CCT5: variants seen among roughly 807,000 people sequenced by gnomAD.
CCT5 encodes the protein chaperonin containing TCP1 subunit 5, also known as T-complex protein 1 subunit epsilon.
A neutral mutation model predicts 55.0 loss-of-function variants in CCT5; 6 were observed. The observed-to-expected ratio is 0.11, with a 90% confidence interval of 0.06 to 0.22. CCT5 has a LOEUF of 0.22. Among genes scored for constraint, CCT5 ranks in the 10% least tolerant of loss-of-function variants. The pLI is 1.00. For synonymous variants in CCT5, 231 were observed against 243.7 expected (o/e 0.95, Z 0.49); for missense variants, 560 against 694.6 (o/e 0.81, Z 2.18).
At position 10,264,883 on chromosome 5, in the gene CCT5, G is replaced by T; in HGVS notation, c.*100G>T. ...TTATTTATTGTTACATCCTTTTCCAGACACTGTAGATGCTATAATAAAAAT... is the reference window on the plus strand; with the variant it reads ...TTATTTATTGTTACATCCTTTTCCATACACTGTAGATGCTATAATAAAAAT... On this transcript the variant is annotated 3_prime_UTR_variant, in exon 11 of 11. Coordinates refer to ENST00000280326, the MANE Select transcript of CCT5 (RefSeq NM_012073.5). 6.8e-7 allele frequency: 1 copy of T among 1,478,106 alleles called. No individual in the cohort carries two copies. Among genetic ancestry groups the T allele is most frequent in the Non-Finnish European group, 9.4e-7 (1 of 1,064,746 alleles). The allele number at this position is 1,478,106 out of a possible 1,614,324, so 91.6% of individuals were successfully genotyped here.
chr5:10,253,741 C>G (rs1579446750), intron 1 of CCT5, among the ~76,000 whole-genome samples: 2 of 152,280 alleles, frequency 1.3e-5, no homozygotes, highest in African/African-American at 4.8e-5. Flanking sequence ...GGAACCTGTT[C>G]CCCATGGATG....
intron 3 of CCT5, among the ~76,000 whole-genome samples, chr5:10,255,303 G>A (rs1745616554): frequency 6.6e-6 from 1 of 150,428 alleles, no homozygotes. Context: ...GTATGTACAT[G>A]TAGAGAAAAT....
intron 1 of CCT5, chr5:10,250,996 A>G (rs993596288): frequency 3.2e-5 from 14 of 442,904 alleles, no homozygotes; most frequent in Admixed American, 6.1e-5. Context: ...CCGTAATACA[A>G]GGTGGTGTGC....
intron 7 of CCT5, chr5:10,261,311 T>G: frequency 3.7e-6 from 2 of 538,042 alleles, no homozygotes; most frequent in Non-Finnish European, 3.4e-6. Flanking sequence ...GATGAGGGTA[T>G]GAGCTTAGGG....
In CCT5 at chr5:10,258,377, C is replaced by T. The variant is rs755231384; in HGVS notation, c.724-9C>T. ...CCACCAATTAAAATGTCTTTATGTT[C>T]CCCCATAGAAAGTGGAAGATGCGAA... On this transcript the variant is annotated splice_polypyrimidine_tract_variant and intron_variant, in intron 5 of 10. Coordinates refer to ENST00000280326, the MANE Select transcript of CCT5 (RefSeq NM_012073.5). 2.9e-5 allele frequency: 46 copies of T among 1,613,908 alleles called. No homozygotes were observed. Among genetic ancestry groups the T allele is most frequent in the Non-Finnish European group, 3.5e-5 (41 of 1,179,986 alleles).
rs535827783 is a variant in CCT5, at chr5:10,264,852, C to T, written c.*69C>T. On this transcript the variant is annotated 3_prime_UTR_variant, in exon 11 of 11. Transcript: ENST00000280326. The stretch of plus-strand genomic sequence containing the variant: ...AGTAAATGGATGTCTCGTGATGCAT[C>T]TACAGTTATTTATTGTTACATCCTT... 755 of 1,586,642 alleles carry T rather than the reference C, an allele frequency of 4.8e-4. 2 individuals carry two copies. The highest frequency in any genetic ancestry group is 6.2e-4 in the Non-Finnish European group (722 of 1,157,568).
At position 10,254,670 on chromosome 5, in the gene CCT5, T is replaced by C. The variant is rs1261586399; in HGVS notation, c.167-4T>C. 6.2e-7 allele frequency: 1 copy of C among 1,613,682 alleles called. No individual in the cohort carries two copies. Among genetic ancestry groups the C allele is most frequent in the Non-Finnish European group, 8.5e-7 (1 of 1,179,762 alleles). ...CGCAAAGCCTACTAAACGTTGTTTT[T>C]TAGGGCTTGATAAGATGATGGTGGA... On this transcript the variant is annotated splice_region_variant and splice_polypyrimidine_tract_variant and intron_variant, in intron 2 of 10. Transcript: ENST00000280326.
At chr5:10,263,720 T>C (rs1333350167) in intron 10 of CCT5, among the ~76,000 whole-genome samples, 1 of 152,154 alleles carries the variant, frequency 6.6e-6, no homozygotes, top group Non-Finnish European at 1.5e-5. Context: ...CTAAATGTAA[T>C]ATATAACCTC....
Position 10,256,143 on chromosome 5 carries a change from G to A in CCT5, c.520G>A (p.Gly174Ser), listed in dbSNP as rs763970749. 6.2e-7 allele frequency: 1 copy of A among 1,613,072 alleles called. No individual in the cohort carries two copies. The highest frequency in any genetic ancestry group is 8.5e-7 in the Non-Finnish European group (1 of 1,179,660). The change falls in exon 4 of 11, where the codon GGC becomes AGC. Residue 174 changes from glycine (G) to serine (S), a missense_variant. Coordinates refer to ENST00000280326, the MANE Select transcript of CCT5 (RefSeq NM_012073.5). ...GATTCAGACAGCAAAAACCACGCTGGGCTCCAAAGTGTACGTTTCAGTAGA... is the reference window on the plus strand; with the variant it reads ...GATTCAGACAGCAAAAACCACGCTGAGCTCCAAAGTGTACGTTTCAGTAGA... ...PLIQTAKTTLGSKVVNSCHRQ... is the reference protein window; with the variant it reads ...PLIQTAKTTLSSKVVNSCHRQ...
At chr5:10,258,578 G>A in intron 6 of CCT5, 43 bp downstream of exon 6, 1 of 1,561,442 alleles carries the variant, frequency 6.4e-7, no homozygotes, top group Non-Finnish European at 8.8e-7. Flanking sequence ...AACTCCCAAA[G>A]GGTACAGTTA....
chr5:10,258,574 C>CA (rs779612379), intron 6 of CCT5, 39 bp downstream of exon 6: 2 of 1,553,016 alleles, frequency 1.3e-6, no homozygotes, highest in African/African-American at 1.4e-5. Flanking sequence ...TTTAAACTCC[C>CA]AAAGGGTACA....
Position 10,266,245 on chromosome 5 carries a change from C to A in CCT5, c.*1462C>A, listed in dbSNP as rs1001807827. On this transcript the variant is annotated 3_prime_UTR_variant, in exon 11 of 11. Coordinates refer to ENST00000280326, the MANE Select transcript of CCT5 (RefSeq NM_012073.5). ...TGGTTGTATCAGAAGAGCCACTAAA[C>A]CAATCCCCCTTTCCAAAATTGAACC... The A allele has an allele frequency of 6.6e-6, 1 of 152,182 alleles. No individual in the cohort carries two copies. Among genetic ancestry groups the A allele is most frequent in the Non-Finnish European group, 1.5e-5 (1 of 68,040 alleles). 9.4% of individuals were successfully genotyped at this position (152,182 alleles called of 1,614,324 possible). A position where few individuals can be genotyped will look rare whatever the true frequency, so the allele number is the denominator to read the frequency against.
At chr5:10,261,287 CT>C (rs1745946702) in intron 7 of CCT5, 1 of 515,888 alleles carries the variant, frequency 1.9e-6, no homozygotes, top group African/African-American at 1.9e-5. Flanking sequence ...TGAGGGAGGG[CT>C]GCACAGATGG....
chr5:10,258,670 C>T (rs1745801796), intron 6 of CCT5, 135 bp downstream of exon 6: 1 of 802,376 alleles, frequency 1.2e-6, no homozygotes. Flanking sequence ...CATAGAAAGG[C>T]ATAAACAGGG....
intron 8 of CCT5, chr5:10,262,146 TA>T: frequency 2.5e-6 from 1 of 400,360 alleles, no homozygotes; most frequent in Admixed American, 3.6e-5. Flanking sequence ...ATCTGTCCCT[TA>T]GGTAGAAAAA....
chr5:10,258,983 ACT>A (rs907012310), intron 6 of CCT5, among the ~76,000 whole-genome samples: 6 of 152,002 alleles, frequency 3.9e-5, no homozygotes, highest in African/African-American at 1.2e-4. Context: ...ACAGAGCAAG[ACT>A]CTGTCTCAAA....
At chr5:10,254,310 C>T (rs931218312) in intron 2 of CCT5, 105 bp downstream of exon 2, 1 of 854,956 alleles carries the variant, frequency 1.2e-6, no homozygotes, top group Non-Finnish European at 1.9e-6. Context: ...AGGCATCTTA[C>T]TTCCTTAACA....
chr5:10,265,477 G>T lies in CCT5; in HGVS notation c.*694G>T, dbSNP rs910026166. ...ATCAGAGGGACACAGTGAAGTGGAG[G>T]TTAAAGTAAATTACAGGAAATAAGG... On this transcript the variant is annotated 3_prime_UTR_variant, in exon 11 of 11. Transcript: ENST00000280326. 3.3e-5 allele frequency: 5 copies of T among 152,298 alleles called. No individual in the cohort carries two copies. The highest frequency in any genetic ancestry group is 1.2e-4 in the African/African-American group (5 of 41,460). 9.4% of individuals were successfully genotyped at this position (152,298 alleles called of 1,614,324 possible). A position where few individuals can be genotyped will look rare whatever the true frequency, so the allele number is the denominator to read the frequency against.
chr5:10,260,502 C>T (rs189512257), intron 6 of CCT5, among the ~76,000 whole-genome samples: 21 of 151,948 alleles, frequency 1.4e-4, no homozygotes, highest in Admixed American at 1.3e-3. Context: ...GCTTTGTTGA[C>T]GTTTCTGTGG....
Sources: gnomAD v4.1 joint callset for allele counts (sites outside exome capture counted in the v4.1 genomes callset) on GRCh38, gnomAD v4.1.1 for gene constraint, MANE v1.5 for transcripts, NCBI Gene and HGNC (gene_info 2026-07-23, HGNC 2026-07-21) for gene names.